Variants in RTN4RL1 observed in about 807,000 individuals in gnomAD.
RTN4RL1 encodes the protein reticulon-4 receptor-like 1.
RTN4RL1 carries 7 observed loss-of-function variants against 25.6 expected under a neutral mutation model. The observed-to-expected ratio is 0.27, with a 90% CI of 0.16 to 0.51. RTN4RL1 has a LOEUF of 0.51. Among genes scored for constraint, RTN4RL1 ranks in the 20% least tolerant of loss-of-function variants. The pLI is 0.97. For missense variants in RTN4RL1, 500 were observed against 615.6 expected, an observed-to-expected ratio of 0.81 and a Z score of 1.99; for synonymous variants, 297 against 288.2, an observed-to-expected ratio of 1.03 and a Z score of -0.31.
At chr17:1,939,518 T>C in intron 1 of RTN4RL1, among the ~76,000 whole-genome samples, 1 of 152,108 alleles carries the variant, frequency 6.6e-6, no homozygotes, top group South Asian at 2.1e-4. Context: ...GCCCACCTTC[T>C]GGCCACTCCC....
At chr17:1,963,675 C>T (rs2066775928) in intron 1 of RTN4RL1, among the ~76,000 whole-genome samples, 1 of 152,216 alleles carries the variant, frequency 6.6e-6, no homozygotes. Flanking sequence ...AAACCAGGCT[C>T]TTGGCCCTTC....
At chr17:1,980,355 G>C (rs1455573097) in intron 1 of RTN4RL1, among the ~76,000 whole-genome samples, 1 of 151,310 alleles carries the variant, frequency 6.6e-6, no homozygotes, top group Non-Finnish European at 1.5e-5. Context: ...ACAGGCATCA[G>C]CCCCCATGCC....
intron 1 of RTN4RL1, among the ~76,000 whole-genome samples, chr17:1,951,506 C>T (rs1475279024): frequency 1.3e-5 from 2 of 151,858 alleles, no homozygotes; most frequent in Non-Finnish European, 1.5e-5. Flanking sequence ...GGCTGGAGTG[C>T]AGTGGTGCGA....
At chr17:2,016,566 T>C (rs1357732845) in intron 1 of RTN4RL1, among the ~76,000 whole-genome samples, 1 of 151,938 alleles carries the variant, frequency 6.6e-6, no homozygotes, top group Non-Finnish European at 1.5e-5. Flanking sequence ...CCACAGTTCC[T>C]GGAAAGGAAA....
rs544337979 is a variant in RTN4RL1 at position 1,952,971 on chromosome 17, G to A, written c.14-15163C>T. Among the ~76,000 whole-genome samples the A allele has an allele frequency of 3.6e-3, 541 of 152,008 alleles. 4 individuals carry two copies. Among genetic ancestry groups the A allele is most frequent in the African/African-American group, 0.013 (519 of 41,434 alleles). ...GTGCCTCTGTAGTCCCAGCTACTCG[G>A]GAGGCTGAGGTGGGAGAACTGCTTG... is the stretch of plus-strand genomic sequence containing the variant. On this transcript the variant is annotated intron_variant, in intron 1 of 1. Coordinates refer to ENST00000331238, the MANE Select transcript of RTN4RL1 (RefSeq NM_178568.4).
chr17:1,981,850 G>A (rs1311966522), intron 1 of RTN4RL1, among the ~76,000 whole-genome samples: 2 of 152,218 alleles, frequency 1.3e-5, no homozygotes, highest in South Asian at 4.1e-4. Flanking sequence ...ATTTCACTGT[G>A]CAAACATCAT....
intron 1 of RTN4RL1, among the ~76,000 whole-genome samples, chr17:1,955,424 C>T (rs1277024860): frequency 6.6e-6 from 1 of 151,770 alleles, no homozygotes; most frequent in African/African-American, 2.4e-5. Context: ...GCTGTGGTGG[C>T]ACATGCCTGT....
Position 1,973,738 on chromosome 17 carries a change from C to T in RTN4RL1, c.14-35930G>A, listed in dbSNP as rs374808709. ...AGGTTACACTTTGCATATAATGATA[C>T]ATTTAGTTAAAAAGAGCTGGCCGGG... On this transcript the variant is annotated intron_variant, in intron 1 of 1. Coordinates refer to ENST00000331238, the MANE Select transcript of RTN4RL1 (RefSeq NM_178568.4). Among the ~76,000 whole-genome samples the T allele has an allele frequency of 2.9e-4, 44 of 151,986 alleles. No individual in the cohort carries two copies. In the South Asian group the frequency reaches 9.2e-3, roughly 32 times the overall value.
At chr17:2,010,414 T>A (rs911206425) in intron 1 of RTN4RL1, among the ~76,000 whole-genome samples, 6 of 152,114 alleles carry the variant, frequency 3.9e-5, no homozygotes, top group African/African-American at 1.4e-4. Context: ...GAGACGGAGA[T>A]TGCAGTGAGC....
rs2066920018 is a variant in RTN4RL1, at chr17:1,994,054, C to T, written c.13+30799G>A. ...GCCCCCCAGTCCCCACCCCCGGCTA[C>T]GCTGAACCACCCCGTTCCTCAGGAC... On this transcript the variant is annotated intron_variant, in intron 1 of 1. Coordinates refer to ENST00000331238, the MANE Select transcript of RTN4RL1 (RefSeq NM_178568.4). This position sits in a 1 kb window ranked among gnomAD's most constrained non-coding sequence, Gnocchi z 4.3. Among the ~76,000 whole-genome samples the T allele has an allele frequency of 6.6e-6, 1 of 152,094 alleles. No homozygotes were observed.
intron 1 of RTN4RL1, among the ~76,000 whole-genome samples, chr17:2,020,987 C>T (rs768559058): frequency 2.2e-4 from 33 of 152,228 alleles, no homozygotes; most frequent in Non-Finnish European, 1.6e-4. Flanking sequence ...CCTCTCACCT[C>T]TTAACCAGAG....
At chr17:1,996,759 C>T (rs768153391) in intron 1 of RTN4RL1, among the ~76,000 whole-genome samples, 1 of 152,182 alleles carries the variant, frequency 6.6e-6, no homozygotes, top group Non-Finnish European at 1.5e-5. Flanking sequence ...TTTCAAAAAA[C>T]ATGTCAACAT....
intron 1 of RTN4RL1, among the ~76,000 whole-genome samples, chr17:2,024,336 A>G (rs4404109): frequency 0.95 from 143,877 of 152,234 alleles, 68,450 homozygotes; most frequent in African/African-American, 0.98. Context: ...GCCCATCCCT[A>G]GCGATCAGAG....
chr17:1,964,742 T>A (rs2151311104), intron 1 of RTN4RL1, among the ~76,000 whole-genome samples: 1 of 150,840 alleles, frequency 6.6e-6, no homozygotes, highest in African/African-American at 2.4e-5. Flanking sequence ...TAAAAAAAAA[T>A]TTTTTTAATT....
chr17:1,987,712 T>C, intron 1 of RTN4RL1, among the ~76,000 whole-genome samples: 1 of 136,232 alleles, frequency 7.3e-6, no homozygotes, highest in Non-Finnish European at 1.6e-5. Context: ...TGTGTGTGAG[T>C]TCAGGGACAC....
intron 1 of RTN4RL1, among the ~76,000 whole-genome samples, chr17:1,980,926 C>A (rs1253801543): frequency 1.2e-3 from 101 of 87,096 alleles, no homozygotes; most frequent in South Asian, 1.9e-3. Flanking sequence ...GATTCTATCT[C>A]AAAAAAAAAA....
At chr17:1,965,267 T>G (rs1321450599) in intron 1 of RTN4RL1, among the ~76,000 whole-genome samples, 2 of 151,314 alleles carry the variant, frequency 1.3e-5, no homozygotes, top group South Asian at 2.1e-4. Context: ...GCGCCCCCCA[T>G]GCCCAGCTCG....
intron 1 of RTN4RL1, among the ~76,000 whole-genome samples, chr17:2,011,182 C>A (rs985470128): frequency 6.6e-6 from 1 of 152,090 alleles, no homozygotes; most frequent in Non-Finnish European, 1.5e-5. Flanking sequence ...ACCTGGGAGG[C>A]GGAGGTTGCT....
At chr17:2,013,363 G>T (rs1164317459) in intron 1 of RTN4RL1, among the ~76,000 whole-genome samples, 1 of 152,218 alleles carries the variant, frequency 6.6e-6, no homozygotes, top group African/African-American at 2.4e-5. Flanking sequence ...CCTGCCCACA[G>T]CCCTGGCTTT....
Sources: gnomAD v4.1 joint callset for allele counts (sites outside exome capture counted in the v4.1 genomes callset) on GRCh38, gnomAD v4.1.1 for gene constraint, Gnocchi (gnomAD v3.1) non-coding constraint, MANE v1.5 for transcripts, NCBI Gene and HGNC (gene_info 2026-07-23, HGNC 2026-07-21) for gene names.